The following GRIK2 variants were observed in gnomAD, a reference collection of about 807,000 sequenced individuals.
The protein encoded by GRIK2 is glutamate receptor ionotropic, kainate 2.
GRIK2 carries 32 observed loss-of-function variants against 100.3 expected under a neutral mutation model. The ratio of observed to expected loss-of-function variants is 0.32; its 90% CI spans 0.24 to 0.43. The LOEUF is 0.43. Among genes scored for constraint, GRIK2 ranks in the 20% least tolerant of loss-of-function variants. The probability of loss-of-function intolerance (pLI) is 1.00; values close to 1 mark genes in which losing one functional copy is unlikely to be tolerated. For synonymous variants in GRIK2, 417 were observed against 389.4 expected (o/e 1.07, Z -0.83); for missense variants, 843 against 1,114.9 (o/e 0.76, Z 3.47).
chr6:101,709,440 T>G (rs543136153), intron 7 of GRIK2, among the ~76,000 whole-genome samples: 1 of 151,972 alleles, frequency 6.6e-6, no homozygotes, highest in East Asian at 1.9e-4. Flanking sequence ...CTCACTACTT[T>G]ATTACTCTGT....
intron 14 of GRIK2, among the ~76,000 whole-genome samples, chr6:102,010,713 C>CTT (rs1259205059): frequency 6.9e-6 from 1 of 144,774 alleles, no homozygotes; most frequent in Admixed American, 6.9e-5. Flanking sequence ...ATAACAATCA[C>CTT]TTTTTTTTTT....
rs74435623 is a variant in GRIK2, at chr6:101,478,045, G to C, written c.115+78653G>C. Among the ~76,000 whole-genome samples the C allele has an allele frequency of 5.5e-3, 834 of 152,222 alleles. 10 individuals are homozygous for C. The highest frequency in any genetic ancestry group is 0.02 in the African/African-American group (811 of 41,550). The stretch of plus-strand genomic sequence containing the variant: ...AGTATCTTTGAGTTTTTATGAAAAG[G>C]CTGATAGATTATGGACTACCAATTA... On this transcript the variant is annotated intron_variant, in intron 2 of 16. Coordinates refer to ENST00000369134, the MANE Select transcript of GRIK2 (RefSeq NM_021956.5).
At chr6:101,450,283 AACAAG>A (rs1770602897) in intron 2 of GRIK2, among the ~76,000 whole-genome samples, 1 of 151,738 alleles carries the variant, frequency 6.6e-6, no homozygotes, top group African/African-American at 2.4e-5. Flanking sequence ...AGTGACTATA[AACAAG>A]ACAAGAGCCA....
At chr6:101,934,864 TTGG>T (rs2128473720) in intron 14 of GRIK2, among the ~76,000 whole-genome samples, 1 of 152,140 alleles carries the variant, frequency 6.6e-6, no homozygotes, top group African/African-American at 2.4e-5. Flanking sequence ...TCTTGCTATA[TTGG>T]TGGTAAAATA....
At chr6:101,469,711 C>T (rs920383065) in intron 2 of GRIK2, among the ~76,000 whole-genome samples, 4 of 152,150 alleles carry the variant, frequency 2.6e-5, no homozygotes, top group African/African-American at 7.2e-5. Context: ...TATAACTTTA[C>T]AGTCACTTTA....
chr6:101,715,758 C>A (rs532865383), intron 7 of GRIK2, among the ~76,000 whole-genome samples: 1 of 151,640 alleles, frequency 6.6e-6, no homozygotes, highest in Non-Finnish European at 1.5e-5. Context: ...AATAAATGAC[C>A]GTGATTTAAT....
chr6:101,673,648 A>C (rs1014211459), intron 4 of GRIK2, among the ~76,000 whole-genome samples: 1 of 152,108 alleles, frequency 6.6e-6, no homozygotes, highest in Non-Finnish European at 1.5e-5. Context: ...TTCATGTATT[A>C]ACTTGGATGT....
chr6:101,630,927 T>C (rs1364256866), intron 4 of GRIK2, among the ~76,000 whole-genome samples: 3 of 152,166 alleles, frequency 2.0e-5, no homozygotes, highest in Non-Finnish European at 4.4e-5. Context: ...ATTCATTTCT[T>C]TTTTGTTGTG....
At chr6:101,943,910 A>G (rs371572746) in intron 14 of GRIK2, among the ~76,000 whole-genome samples, 14 of 152,168 alleles carry the variant, frequency 9.2e-5, no homozygotes, top group African/African-American at 2.7e-4. Flanking sequence ...AGGACATGCA[A>G]TTTGGGAGGG....
intron 9 of GRIK2, among the ~76,000 whole-genome samples, chr6:101,811,978 A>G (rs929576023): frequency 2.6e-5 from 4 of 151,566 alleles, no homozygotes; most frequent in African/African-American, 9.7e-5. Flanking sequence ...TATATGAATA[A>G]TTTACACATT....
intron 6 of GRIK2, among the ~76,000 whole-genome samples, chr6:101,683,202 A>G (rs76464165): frequency 8.6e-6 from 1 of 115,762 alleles, no homozygotes; most frequent in Non-Finnish European, 1.9e-5. Flanking sequence ...CTCCATCTAG[A>G]AAAAAAAAAA....
At chr6:101,775,139 T>C (rs2128399363) in intron 7 of GRIK2, among the ~76,000 whole-genome samples, 1 of 152,276 alleles carries the variant, frequency 6.6e-6, no homozygotes, top group African/African-American at 2.4e-5. Flanking sequence ...AAACTCTTAT[T>C]GTTAAAATTA....
At chr6:101,810,429 A>C (rs1781256651) in intron 9 of GRIK2, among the ~76,000 whole-genome samples, 1 of 152,080 alleles carries the variant, frequency 6.6e-6, no homozygotes, top group South Asian at 2.1e-4. Flanking sequence ...TTAGCACTAT[A>C]GTTCTCGAAT....
At chr6:101,722,927 T>C (rs1389950643) in intron 7 of GRIK2, among the ~76,000 whole-genome samples, 1 of 152,038 alleles carries the variant, frequency 6.6e-6, no homozygotes, top group East Asian at 1.9e-4. Context: ...TTACTGCCAG[T>C]CCTTTTAAGG....
intron 2 of GRIK2, among the ~76,000 whole-genome samples, chr6:101,491,344 G>A (rs139753919): frequency 2.0e-3 from 299 of 150,548 alleles, no homozygotes; most frequent in Middle Eastern, 3.5e-3. Flanking sequence ...AATTTATACC[G>A]TCAATGTGGA....
chr6:101,518,986 A>G (rs1345778541), intron 2 of GRIK2, among the ~76,000 whole-genome samples: 1 of 152,178 alleles, frequency 6.6e-6, no homozygotes, highest in African/African-American at 2.4e-5. Context: ...TTCAGGAGGA[A>G]AACTTGGCAA....
Position 101,685,401 on chromosome 6 carries a change from T to A in GRIK2, c.778-779T>A, listed in dbSNP as rs1362812927. Among the ~76,000 whole-genome samples, 3 of 152,122 alleles carry A rather than the reference T, an allele frequency of 2.0e-5. No individual in the cohort carries two copies. The East Asian group carries it at 5.8e-4, about 29-fold the overall frequency. On this transcript the variant is annotated intron_variant, in intron 6 of 16. Coordinates refer to ENST00000369134, the MANE Select transcript of GRIK2 (RefSeq NM_021956.5). ...ACCAATGGCATTAATCTTGCCTTGA[T>A]TCTCAATATTGTCCATAAGTTCGAG...
chr6:101,661,040 G>C (rs950948689), intron 4 of GRIK2, among the ~76,000 whole-genome samples: 1 of 152,168 alleles, frequency 6.6e-6, no homozygotes, highest in South Asian at 2.1e-4. Flanking sequence ...AGAGCCAGCA[G>C]GCAGGAATGT....
At chr6:101,950,351 T>C (rs1214883887) in intron 14 of GRIK2, among the ~76,000 whole-genome samples, 1 of 152,196 alleles carries the variant, frequency 6.6e-6, no homozygotes, top group African/African-American at 2.4e-5. Context: ...GGATTTGTGG[T>C]TGACCAGAGG....
Sources: gnomAD v4.1 joint callset for allele counts (sites outside exome capture counted in the v4.1 genomes callset) on GRCh38, gnomAD v4.1.1 for gene constraint, MANE v1.5 for transcripts, NCBI Gene and HGNC (gene_info 2026-07-23, HGNC 2026-07-21) for gene names.